Variants in AP1G2 observed in about 807,000 individuals in gnomAD.
AP1G2 encodes the protein adaptor related protein complex 1 subunit gamma 2.
In AP1G2, 85 loss-of-function variants were observed where a neutral mutation model predicts 95.8. The observed-to-expected ratio is 0.89, with a 90% CI of 0.74 to 1.06. The LOEUF is 1.06. AP1G2 is among the 50% of genes least tolerant of loss of function. AP1G2 has a pLI of 0.00. For synonymous variants in AP1G2, 378 were observed against 400.0 expected (o/e 0.94, Z 0.66); for missense variants, 967 against 1,005.8 (o/e 0.96, Z 0.52).
intron 10 of AP1G2, 24 bp from the exon 11 acceptor site, chr14:23,564,183 A>G (rs893321363): frequency 1.9e-6 from 3 of 1,612,770 alleles, no homozygotes; most frequent in Non-Finnish European, 2.5e-6. Flanking sequence ...GGGAGGTTCT[A>G]TCATACCATG....
chr14:23,564,241 AAG>A (rs1291228067), intron 10 of AP1G2, 82 bp from the exon 11 acceptor site: 1 of 1,612,926 alleles, frequency 6.2e-7, no homozygotes, highest in East Asian at 2.2e-5. Flanking sequence ...GGGATAAGAT[AAG>A]AGAGAAATGG....
Position 23,560,242 on chromosome 14 carries a change from G to C in AP1G2, c.2157+13C>G. On this transcript the variant is annotated intron_variant, in intron 20 of 21. Transcript: ENST00000397120. ...AGTCCCCAGGCCACCTCTGAACTCT[G>C]ATCTTTACAAACCTTGGGCACAGCA... is the stretch of plus-strand genomic sequence containing the variant. The C allele has an allele frequency of 6.2e-7, 1 of 1,612,774 alleles. No individual in the cohort carries two copies. The highest frequency in any genetic ancestry group is 8.5e-7 in the Non-Finnish European group (1 of 1,179,904).
chr14:23,563,792 G>A lies in AP1G2; in HGVS notation c.1156C>T (p.Leu386=), dbSNP rs1437803382. The A allele has an allele frequency of 1.9e-6, 3 of 1,614,086 alleles. No individual in the cohort carries two copies. Among genetic ancestry groups the A allele is most frequent in the Non-Finnish European group, 2.5e-6 (3 of 1,180,032 alleles). The part of the protein sequence containing the change: ...SSNVRAMMQE[L]QAFLESCPPD... ...GGGCAGGACTCCAGAAAGGCCTGCA[G>A]CTCTTGCATCATGGCTCGCACATTG... The change falls in exon 12 of 22, where the codon CTG becomes TTG. Residue 386 remains leucine, a synonymous_variant. Transcript: ENST00000397120.
At position 23,562,608 on chromosome 14, in the gene AP1G2, A is replaced by G; in HGVS notation, c.1411-15T>C. 6.2e-7 allele frequency: 1 copy of G among 1,611,874 alleles called. No individual in the cohort carries two copies. Among genetic ancestry groups the G allele is most frequent in the Non-Finnish European group, 8.5e-7 (1 of 1,178,976 alleles). Reference sequence around the variant, plus strand: ...ACCAGTGGTTGCTACATGGGATAAGAAACTGCTGGGCTGGCCAGGCATGGT... The same window carrying G: ...ACCAGTGGTTGCTACATGGGATAAGGAACTGCTGGGCTGGCCAGGCATGGT... On this transcript the variant is annotated splice_polypyrimidine_tract_variant and intron_variant, in intron 14 of 21. Transcript: ENST00000397120.
chr14:23,565,699 C>T lies in AP1G2; in HGVS notation c.648G>A (p.Val216=), dbSNP rs147582975. 649 of 1,613,848 alleles carry T rather than the reference C, an allele frequency of 4.0e-4. 2 individuals are homozygous for T. The highest frequency in any genetic ancestry group is 1.5e-3 in the South Asian group (134 of 91,068). ...GGAGGATGTGTACCAGCTGGGGTAC[C>T]ACCTGGAGGGAGGGCACAACTTTGG... ...SPAALRHFRK[V]VPQLVHILRT... The change falls in exon 7 of 22, where the codon GTG becomes GTA. Residue 216 remains valine (V), a splice_region_variant and synonymous_variant. Transcript: ENST00000397120.
rs942646650 is a variant in AP1G2 at position 23,561,133 on chromosome 14, G to A, written c.1993+163C>T. The A allele has an allele frequency of 4.3e-5, 59 of 1,364,642 alleles. 2 individuals are homozygous for A. The South Asian group carries it at 9.0e-4, about 21-fold the overall frequency. 84.5% of individuals were successfully genotyped at this position (1,364,642 alleles called of 1,614,324 possible). ...AGAAGTCTGGAACAAAGGGAAGACA[G>A]ATGACCATGATTGACTTCATTCTTT... On this transcript the variant is annotated intron_variant, in intron 19 of 21. Coordinates refer to ENST00000397120, the MANE Select transcript of AP1G2 (RefSeq NM_003917.5).
In AP1G2 at chr14:23,567,291, A is replaced by G. The variant is rs753351368; in HGVS notation, c.24T>C (p.Leu8=). 1 of 1,613,002 alleles carries G rather than the reference A, an allele frequency of 6.2e-7. No individual in the cohort carries two copies. Among genetic ancestry groups the G allele is most frequent in the Non-Finnish European group, 8.5e-7 (1 of 1,179,688 alleles). The part of the protein sequence containing the change: MVVPSLK[L]QDLIEEIRGA... The stretch of plus-strand genomic sequence containing the variant: ...CGCGAATCTCTTCGATGAGGTCCTG[A>G]AGCTTCAGCGAAGGCACCACCATCC... The change falls in exon 2 of 22, where the codon CTT becomes CTC. Residue 8 remains leucine, a synonymous_variant. Transcript: ENST00000397120. This position sits in a 1 kb window ranked among gnomAD's most constrained non-coding sequence, Gnocchi z 5.3.
At chr14:23,565,451 C>T (rs747358592) in intron 7 of AP1G2, 155 bp downstream of exon 7, 3 of 756,656 alleles carry the variant, frequency 4.0e-6, no homozygotes, top group South Asian at 3.6e-5. Flanking sequence ...CCTCTCCCCT[C>T]ACAGGTCCTG....
chr14:23,566,687 C>CTA lies in AP1G2; in HGVS notation c.205-3_205-2dup, dbSNP rs1475193098. 1.2e-6 allele frequency: 2 copies of CTA among 1,614,138 alleles called. No individual in the cohort carries two copies. Among genetic ancestry groups the CTA allele is most frequent in the Middle Eastern group, 3.3e-4 (2 of 6,058 alleles). On this transcript the variant is annotated splice_acceptor_variant, in intron 2 of 21. Coordinates refer to ENST00000397120, the MANE Select transcript of AP1G2 (RefSeq NM_003917.5). LOFTEE classifies it high-confidence loss of function. Reference sequence around the variant, plus strand: ...AGGCGATCAGTTTCAGGCACTCCATCTATAGTGAAGGGGGCAGACCAGGAA... The same window carrying CTA: ...AGGCGATCAGTTTCAGGCACTCCATCTATATAGTGAAGGGGGCAGACCAGGAA...
At position 23,561,141 on chromosome 14, in the gene AP1G2, T is replaced by C; in HGVS notation, c.1993+155A>G. On this transcript the variant is annotated intron_variant, in intron 19 of 21. Transcript: ENST00000397120. The stretch of plus-strand genomic sequence containing the variant: ...GGAACAAAGGGAAGACAGATGACCA[T>C]GATTGACTTCATTCTTTTACCTCCT... The C allele has an allele frequency of 2.2e-6, 3 of 1,382,056 alleles. No homozygotes were observed. The South Asian group carries it at 5.9e-5, about 27-fold the overall frequency. 85.6% of individuals were successfully genotyped at this position (1,382,056 alleles called of 1,614,324 possible).
In AP1G2 at chr14:23,566,127, C is replaced by T. The variant is rs138857534; in HGVS notation, c.505G>A (p.Val169Ile). 4.4e-5 allele frequency: 71 copies of T among 1,609,390 alleles called. No individual in the cohort carries two copies. In the African/African-American group the frequency reaches 7.3e-4, roughly 17 times the overall value. The change falls in exon 5 of 22, where the codon GTC (valine) becomes ATC (isoleucine). Residue 169 changes from valine (V) to isoleucine (I), a missense_variant. Val to Ile is a conservative substitution (Grantham distance 29, BLOSUM62 3). Coordinates refer to ENST00000397120, the MANE Select transcript of AP1G2 (RefSeq NM_003917.5). Reference protein sequence around the residue: ...ILTAVHMIRKVPELSSVFLPP... With the variant: ...ILTAVHMIRKIPELSSVFLPP... The stretch of plus-strand genomic sequence containing the variant: ...AGGAAGACACTGGAGAGTTCAGGGA[C>T]CTTCCGGATCATGTGCACTGCAGTC...
At chr14:23,562,940 C>T in intron 14 of AP1G2, 3 of 689,108 alleles carry the variant, frequency 4.4e-6, no homozygotes, top group Non-Finnish European at 6.2e-6. Context: ...ACTACATGGC[C>T]TAACCAAACA....
intron 17 of AP1G2, 132 bp downstream of exon 17, chr14:23,561,830 A>C: frequency 6.8e-7 from 1 of 1,468,372 alleles, no homozygotes; most frequent in Non-Finnish European, 9.0e-7. Flanking sequence ...AGCTTCAATT[A>C]ACAGTGGGTG....
chr14:23,560,228 C>T lies in AP1G2; in HGVS notation c.2157+27G>A, dbSNP rs757302759. ...GCCTTTTCTCCTGGAGTCCCCAGGCCACCTCTGAACTCTGATCTTTACAAA... is the reference window on the plus strand; with the variant it reads ...GCCTTTTCTCCTGGAGTCCCCAGGCTACCTCTGAACTCTGATCTTTACAAA... On this transcript the variant is annotated intron_variant, in intron 20 of 21. Transcript: ENST00000397120. The T allele has an allele frequency of 3.1e-6, 5 of 1,610,564 alleles. No individual in the cohort carries two copies. The Admixed American group carries it at 5.0e-5, about 16-fold the overall frequency.
chr14:23,565,312 C>A, intron 7 of AP1G2, 113 bp from the exon 8 acceptor site: 1 of 1,123,756 alleles, frequency 8.9e-7, no homozygotes, highest in Non-Finnish European at 1.3e-6. Context: ...GAGCCTTCCC[C>A]CACCTCCTCA....
intron 16 of AP1G2, 44 bp downstream of exon 16, chr14:23,562,244 C>A: frequency 1.2e-6 from 2 of 1,610,546 alleles, no homozygotes; most frequent in South Asian, 2.2e-5. Context: ...AATGGGTGGA[C>A]CCAGTGACAG....
Position 23,561,382 on chromosome 14 carries a change from TC to T in AP1G2, c.1906del (p.Asp636MetfsTer45). 6.2e-7 allele frequency: 1 copy of T among 1,602,222 alleles called. No individual in the cohort carries two copies. Among genetic ancestry groups the T allele is most frequent in the Non-Finnish European group, 8.5e-7 (1 of 1,172,994 alleles). ...GTCCAGATGGGGAGGATGCTGGACA[TC>T]CCCAGAAGCCCCATCCAGGAGATCT... is the stretch of plus-strand genomic sequence containing the variant. ...LLDLLDGASG[D>X]VQHPPHLDPS... On this transcript the variant is annotated frameshift_variant, in exon 19 of 22. Transcript: ENST00000397120. LOFTEE classifies it high-confidence loss of function.
chr14:23,564,717 T>C (rs1158151962), intron 8 of AP1G2, 57 bp from the exon 9 acceptor site: 1 of 1,516,230 alleles, frequency 6.6e-7, no homozygotes, highest in African/African-American at 1.4e-5. Flanking sequence ...GTCTCCTTTT[T>C]TTGATACAGG....
chr14:23,562,193 G>A (rs754663881), intron 16 of AP1G2, 95 bp downstream of exon 16: 6 of 1,592,994 alleles, frequency 3.8e-6, no homozygotes, highest in Non-Finnish European at 5.1e-6. Context: ...GGGCTAGGGG[G>A]TAGGGAGGGC....
Sources: gnomAD v4.1 joint callset for allele counts on GRCh38, gnomAD v4.1.1 for gene constraint, Gnocchi (gnomAD v3.1) non-coding constraint, MANE v1.5 for transcripts, NCBI Gene and HGNC (gene_info 2026-07-23, HGNC 2026-07-21) for gene names.